The following EFCAB5 variants were observed in gnomAD, a reference collection of about 807,000 sequenced individuals.
The protein encoded by EFCAB5 is EF-hand calcium-binding domain-containing protein 5.
EFCAB5 carries 131 observed loss-of-function variants against 167.9 expected under a neutral mutation model. That is an observed-to-expected ratio of 0.78 (90% CI 0.68 to 0.90). The LOEUF (loss-of-function observed/expected upper bound fraction) is 0.90. EFCAB5 is among the 40% of genes least tolerant of loss of function. EFCAB5 has a pLI of 0.00. For missense variants in EFCAB5, 1,663 were observed against 1,745.2 expected, an observed-to-expected ratio of 0.95 and a Z score of 0.84; for synonymous variants, 574 against 602.8, an observed-to-expected ratio of 0.95 and a Z score of 0.70.
chr17:29,930,584 G>A (rs2067177431), intron 1 of EFCAB5, among the ~76,000 whole-genome samples: 2 of 138,912 alleles, frequency 1.4e-5, no homozygotes, highest in African/African-American at 4.9e-5. Flanking sequence ...AAGCAAACAC[G>A]TTTTCTATTG....
chr17:29,970,673 C>T (rs867550631), intron 4 of EFCAB5, among the ~76,000 whole-genome samples: 3,456 of 112,414 alleles, frequency 0.031, 97 homozygotes, highest in African/African-American at 0.1. Flanking sequence ...CACACATACA[C>T]ACACACACAC....
chr17:30,080,472 C>G (rs1431901192), intron 16 of EFCAB5, among the ~76,000 whole-genome samples: 1 of 152,076 alleles, frequency 6.6e-6, no homozygotes. Flanking sequence ...AATATCATCT[C>G]AATTATTTCT....
intron 7 of EFCAB5, among the ~76,000 whole-genome samples, chr17:30,002,027 T>C (rs1412303488): frequency 6.6e-6 from 1 of 152,226 alleles, no homozygotes; most frequent in African/African-American, 2.4e-5. Context: ...TTATAGTGTC[T>C]ATTATATTCA....
chr17:30,054,688 A>G (rs2070202976), intron 10 of EFCAB5, among the ~76,000 whole-genome samples: 1 of 152,222 alleles, frequency 6.6e-6, no homozygotes, highest in Non-Finnish European at 1.5e-5. Context: ...GTTTCAGTTA[A>G]CCACAATCAA....
chr17:30,090,329 T>C (rs2071170123), intron 19 of EFCAB5, 92 bp from the exon 20 acceptor site: 3 of 1,475,406 alleles, frequency 2.0e-6, no homozygotes, highest in Non-Finnish European at 2.7e-6. Context: ...GGAAGTGAGG[T>C]AGGCACAAGA....
chr17:30,040,717 G>C (rs1420413477), intron 8 of EFCAB5, among the ~76,000 whole-genome samples: 3 of 152,094 alleles, frequency 2.0e-5, no homozygotes, highest in Admixed American at 6.6e-5. Context: ...AGCTTATCTT[G>C]GTTTAAAAAT....
intron 1 of EFCAB5, among the ~76,000 whole-genome samples, chr17:29,935,024 C>T (rs2067233633): frequency 6.7e-6 from 1 of 149,240 alleles, no homozygotes; most frequent in Admixed American, 6.7e-5. Context: ...AAAAGTGAGT[C>T]AAAAAAAAAG....
chr17:30,019,681 G>T (rs1398203172), intron 7 of EFCAB5, among the ~76,000 whole-genome samples: 1 of 151,826 alleles, frequency 6.6e-6, no homozygotes. Context: ...CCTGACCTCA[G>T]GTGATCCACA....
intron 18 of EFCAB5, among the ~76,000 whole-genome samples, chr17:30,085,734 A>AAAG (rs2071077720): frequency 6.6e-6 from 1 of 151,798 alleles, no homozygotes; most frequent in Non-Finnish European, 1.5e-5. Flanking sequence ...AAAAAAAAAA[A>AAAG]AAAAGAAAAG....
At chr17:29,933,958 G>A (rs1446775422) in intron 1 of EFCAB5, among the ~76,000 whole-genome samples, 1 of 151,816 alleles carries the variant, frequency 6.6e-6, no homozygotes, top group Non-Finnish European at 1.5e-5. Flanking sequence ...AATTACATGG[G>A]GCTTGGTGAA....
intron 18 of EFCAB5, 141 bp downstream of exon 18, chr17:30,083,184 G>C (rs953836216): frequency 1.3e-5 from 16 of 1,221,830 alleles, no homozygotes; most frequent in African/African-American, 1.6e-5. Context: ...CCTTGGTTGT[G>C]AGTGACAGGA....
chr17:30,009,227 G>A (rs995911496), intron 7 of EFCAB5, among the ~76,000 whole-genome samples: 4 of 152,120 alleles, frequency 2.6e-5, no homozygotes, highest in African/African-American at 9.7e-5. Context: ...TTACATCTTC[G>A]AGAGCCATTA....
At chr17:30,037,660 A>G (rs545376372) in intron 8 of EFCAB5, among the ~76,000 whole-genome samples, 1 of 152,370 alleles carries the variant, frequency 6.6e-6, no homozygotes, top group South Asian at 2.1e-4. Context: ...TAATAGTTGT[A>G]TCTTTGCAAA....
Position 30,047,277 on chromosome 17 carries a change from T to G in EFCAB5, c.1201-3841T>G, listed in dbSNP as rs73987662. On this transcript the variant is annotated intron_variant, in intron 8 of 22. Coordinates refer to ENST00000394835, the MANE Select transcript of EFCAB5 (RefSeq NM_198529.4). Reference sequence around the variant, plus strand: ...TGATTTTTCATATGTAGCCTCTATATGTGCACTTCTACCATATCGCCCAGG... The same window carrying G: ...TGATTTTTCATATGTAGCCTCTATAGGTGCACTTCTACCATATCGCCCAGG... Among the ~76,000 whole-genome samples the G allele has an allele frequency of 8.4e-3, 1,277 of 152,266 alleles. 21 individuals carry two copies. The highest frequency in any genetic ancestry group is 0.029 in the African/African-American group (1,221 of 41,550).
chr17:29,993,949 CT>C (rs1184280918), intron 5 of EFCAB5, among the ~76,000 whole-genome samples: 3 of 150,416 alleles, frequency 2.0e-5, no homozygotes, highest in Non-Finnish European at 4.4e-5. Flanking sequence ...GGAGACCCTA[CT>C]TTTATGAAGA....
chr17:30,001,964 T>G (rs1207226249), intron 7 of EFCAB5, among the ~76,000 whole-genome samples: 1 of 152,212 alleles, frequency 6.6e-6, no homozygotes, highest in Admixed American at 6.5e-5. Flanking sequence ...AGAGCTAGAC[T>G]AGACCCAGGT....
At chr17:30,049,119 CA>C (rs1420477078) in intron 8 of EFCAB5, among the ~76,000 whole-genome samples, 1 of 152,052 alleles carries the variant, frequency 6.6e-6, no homozygotes, top group Non-Finnish European at 1.5e-5. Context: ...CTGAAAGCAG[CA>C]TTAGATACCT....
chr17:29,998,542 A>G (rs2068594462), intron 6 of EFCAB5, among the ~76,000 whole-genome samples: 1 of 152,242 alleles, frequency 6.6e-6, no homozygotes, highest in Non-Finnish European at 1.5e-5. Context: ...ACAGACAGGT[A>G]TACTTAATAG....
At chr17:29,945,826 C>A (rs1189562503) in intron 3 of EFCAB5, among the ~76,000 whole-genome samples, 1 of 152,108 alleles carries the variant, frequency 6.6e-6, no homozygotes, top group African/African-American at 2.4e-5. Context: ...TCACCTTATA[C>A]AAAAATCAAC....
Sources: allele counts gnomAD v4.1 joint callset (sites outside exome capture counted in the v4.1 genomes callset), GRCh38; gene constraint gnomAD v4.1.1; transcripts MANE v1.5; gene names NCBI Gene and HGNC (gene_info 2026-07-23, HGNC 2026-07-21).